Variants in ACBD6 observed in about 807,000 individuals in gnomAD.
ACBD6 encodes acyl-CoA binding domain containing 6.
A neutral mutation model predicts 37.2 loss-of-function variants in ACBD6; 28 were observed. That is an observed-to-expected ratio of 0.75 (90% CI 0.56 to 1.03). The LOEUF is 1.03. Among genes scored for constraint, ACBD6 ranks in the 50% least tolerant of loss-of-function variants. ACBD6 has a pLI of 0.00. For missense variants in ACBD6, 340 were observed against 337.4 expected, an observed-to-expected ratio of 1.01 and a Z score of -0.06; for synonymous variants, 113 against 126.8, an observed-to-expected ratio of 0.89 and a Z score of 0.73.
chr1:180,304,622 G>A (rs1650277032), intron 7 of ACBD6, among the ~76,000 whole-genome samples: 1 of 150,710 alleles, frequency 6.6e-6, no homozygotes, highest in African/African-American at 2.4e-5. Context: ...ACAAATGGAA[G>A]AACATTCCAT....
intron 3 of ACBD6, among the ~76,000 whole-genome samples, chr1:180,460,313 T>G (rs1650091189): frequency 6.6e-6 from 1 of 152,112 alleles, no homozygotes; most frequent in Non-Finnish European, 1.5e-5. Flanking sequence ...CAGGCTGCCA[T>G]CTTTGCTGTT....
intron 6 of ACBD6, among the ~76,000 whole-genome samples, chr1:180,393,376 A>T (rs1654145831): frequency 6.6e-6 from 1 of 152,206 alleles, no homozygotes; most frequent in African/African-American, 2.4e-5. Flanking sequence ...GTAGACTTTG[A>T]CATATCTCTA....
At chr1:180,290,928 G>A (rs1274896441) in intron 7 of ACBD6, among the ~76,000 whole-genome samples, 2 of 152,194 alleles carry the variant, frequency 1.3e-5, no homozygotes, top group South Asian at 2.1e-4. Flanking sequence ...TTTATGAGGA[G>A]TGGAGTGGCA....
intron 6 of ACBD6, among the ~76,000 whole-genome samples, chr1:180,328,998 T>C (rs1454626783): frequency 2.6e-5 from 4 of 152,184 alleles, no homozygotes; most frequent in South Asian, 2.1e-4. Context: ...AATTGGATCA[T>C]TAACATTTCA....
intron 10 of ACBD6, chr1:180,274,449 T>C: frequency 8.7e-6 from 14 of 1,614,064 alleles, no homozygotes; most frequent in African/African-American, 1.3e-5. Context: ...GGGCAGGGAG[T>C]AAGCCAGACG....
At chr1:180,322,679 G>A (rs938920026) in intron 6 of ACBD6, among the ~76,000 whole-genome samples, 1 of 150,064 alleles carries the variant, frequency 6.7e-6, no homozygotes. Context: ...ATGATCCTTT[G>A]AATTTCAGTG....
At chr1:180,320,980 CAG>C (rs1311918616) in intron 6 of ACBD6, among the ~76,000 whole-genome samples, 1 of 152,100 alleles carries the variant, frequency 6.6e-6, no homozygotes, top group Non-Finnish European at 1.5e-5. Context: ...TGGTGAGAGA[CAG>C]GGGTCTAGTT....
chr1:180,312,348 G>A (rs918334467), intron 7 of ACBD6, among the ~76,000 whole-genome samples: 32 of 151,976 alleles, frequency 2.1e-4, no homozygotes, highest in African/African-American at 7.7e-4. Context: ...TTGGAAAAAT[G>A]TTTTAAATTT....
intron 6 of ACBD6, among the ~76,000 whole-genome samples, chr1:180,334,151 A>T (rs1651602230): frequency 6.6e-6 from 1 of 152,242 alleles, no homozygotes; most frequent in South Asian, 2.1e-4. Context: ...CCTGTCTGAC[A>T]GCTTTGAAGA....
intron 5 of ACBD6, among the ~76,000 whole-genome samples, chr1:180,401,916 C>T (rs1159178346): frequency 6.6e-6 from 1 of 151,758 alleles, no homozygotes; most frequent in Non-Finnish European, 1.5e-5. Flanking sequence ...ATACGTATAA[C>T]AGATAAAAAC....
At chr1:180,445,611 T>C (rs1388048964) in intron 3 of ACBD6, among the ~76,000 whole-genome samples, 2 of 152,068 alleles carry the variant, frequency 1.3e-5, no homozygotes, top group African/African-American at 4.8e-5. Flanking sequence ...TTCAAAAATA[T>C]TAAAAACTGA....
At position 180,492,342 on chromosome 1, in the gene ACBD6, T is replaced by G. The variant is rs752535782; in HGVS notation, c.311A>C (p.Asp104Ala). 8.9e-5 allele frequency: 144 copies of G among 1,614,050 alleles called. No individual in the cohort carries two copies. The Middle Eastern group carries it at 7.4e-3, about 83-fold the overall frequency. ...QKWEAWKALG[D>A]SSPSQAMQEY... is the part of the protein sequence containing the mutation. ...CTGCATTGCTTGGCTGGGGCTTGAATCACCAAGTGCTTTCCAAGCTTCCCT... is the reference window on the plus strand; with the variant it reads ...CTGCATTGCTTGGCTGGGGCTTGAAGCACCAAGTGCTTTCCAAGCTTCCCT... Residue 104 changes from aspartate (D) to alanine (A), a missense_variant, in exon 3 of 8, where the codon GAT becomes GCT. Coordinates refer to ENST00000367595, the MANE Select transcript of ACBD6 (RefSeq NM_032360.4).
chr1:180,487,989 A>G (rs1557891515), intron 3 of ACBD6, among the ~76,000 whole-genome samples: 1 of 151,870 alleles, frequency 6.6e-6, no homozygotes, highest in Non-Finnish European at 1.5e-5. Flanking sequence ...AGGAGGGACC[A>G]CTGCATAAGA....
chr1:180,294,045 C>T (rs1460549009), intron 7 of ACBD6, among the ~76,000 whole-genome samples: 1 of 152,046 alleles, frequency 6.6e-6, no homozygotes, highest in Non-Finnish European at 1.5e-5. Context: ...CAGGTGCGCA[C>T]CACCACATCT....
At chr1:180,424,379 A>C (rs6425635) in intron 4 of ACBD6, among the ~76,000 whole-genome samples, 1 of 152,116 alleles carries the variant, frequency 6.6e-6, no homozygotes, top group Non-Finnish European at 1.5e-5. Context: ...TTCAGCATAT[A>C]TTGTAAGCTG....
intron 10 of ACBD6, chr1:180,274,529 C>T: frequency 6.2e-7 from 1 of 1,604,958 alleles, no homozygotes; most frequent in Non-Finnish European, 8.5e-7. Context: ...TCCCGACTTT[C>T]CAACTAGCCC....
At chr1:180,304,005 T>C (rs1274642157) in intron 7 of ACBD6, among the ~76,000 whole-genome samples, 1 of 150,476 alleles carries the variant, frequency 6.6e-6, no homozygotes, top group Non-Finnish European at 1.5e-5. Flanking sequence ...ATGACAAAAA[T>C]CATATGATTA....
intron 7 of ACBD6, among the ~76,000 whole-genome samples, chr1:180,304,648 A>T (rs1214797454): frequency 6.6e-6 from 1 of 150,948 alleles, no homozygotes; most frequent in Non-Finnish European, 1.5e-5. Flanking sequence ...TGGTAGGAAG[A>T]ATCAATATCA....
At chr1:180,318,708 ACT>A (rs1321923627) in intron 6 of ACBD6, among the ~76,000 whole-genome samples, 2 of 151,854 alleles carry the variant, frequency 1.3e-5, no homozygotes, top group African/African-American at 4.8e-5. Context: ...GCTAAGACAA[ACT>A]CTCTATGCCA....
Sources: allele counts gnomAD v4.1 joint callset (sites outside exome capture counted in the v4.1 genomes callset), GRCh38; gene constraint gnomAD v4.1.1; transcripts MANE v1.5; gene names NCBI Gene and HGNC (gene_info 2026-07-23, HGNC 2026-07-21).